Variants in B3GALT1 observed in about 807,000 individuals in gnomAD.
B3GALT1 encodes UDP-Gal:betaGlcNAc beta 1,3-galactosyltransferase, polypeptide 1.
Under a neutral mutation model 23.2 loss-of-function variants are expected in B3GALT1, and 10 were observed. That is an observed-to-expected ratio of 0.43 (90% CI 0.27 to 0.73). The LOEUF (loss-of-function observed/expected upper bound fraction) is 0.73. Ranked by LOEUF, B3GALT1 falls within the 30% of genes least tolerant of loss-of-function variation. The pLI, the probability that B3GALT1 is intolerant of heterozygous loss-of-function variation, is 0.21. For synonymous variants in B3GALT1, 156 were observed against 141.5 expected (o/e 1.10, Z -0.73); for missense variants, 299 against 405.4 (o/e 0.74, Z 2.25).
intron 3 of B3GALT1, among the ~76,000 whole-genome samples, chr2:167,647,368 A>T (rs1039516003): frequency 1.2e-4 from 12 of 99,446 alleles, no homozygotes; most frequent in Admixed American, 4.4e-4. Context: ...TCAAAGCAGC[A>T]GCTTACATGC....
chr2:167,563,431 CG>C (rs1435914506), intron 2 of B3GALT1, among the ~76,000 whole-genome samples: 1 of 130,680 alleles, frequency 7.7e-6, no homozygotes, highest in Non-Finnish European at 1.6e-5. Context: ...ACCTCCCTCC[CG>C]GACAGGGGCG....
intron 3 of B3GALT1, among the ~76,000 whole-genome samples, chr2:167,670,311 A>G (rs1686301074): frequency 6.6e-6 from 1 of 152,226 alleles, no homozygotes; most frequent in Non-Finnish European, 1.5e-5. Flanking sequence ...CCTAAGAATT[A>G]TCTTCCAAAG....
intron 3 of B3GALT1, among the ~76,000 whole-genome samples, chr2:167,650,302 C>A (rs1254418989): frequency 6.8e-6 from 1 of 146,556 alleles, no homozygotes; most frequent in Non-Finnish European, 1.5e-5. Flanking sequence ...ACCACTTGAT[C>A]TATATATATA....
intron 1 of B3GALT1, among the ~76,000 whole-genome samples, chr2:167,431,701 A>G (rs1238761127): frequency 6.6e-6 from 1 of 152,214 alleles, no homozygotes; most frequent in Non-Finnish European, 1.5e-5. Context: ...AATCAGTTCA[A>G]GTCATTAGGA....
intron 1 of B3GALT1, among the ~76,000 whole-genome samples, chr2:167,400,182 G>GTGTGTGTGTGTC (rs1056141064): frequency 2.0e-5 from 3 of 151,366 alleles, no homozygotes; most frequent in Non-Finnish European, 3.0e-5. Flanking sequence ...GTGTGTGTGT[G>GTGTGTGTGTGTC]TGTGTGTGTG....
At chr2:167,478,995 C>T (rs562984283) in intron 1 of B3GALT1, among the ~76,000 whole-genome samples, 31 of 152,046 alleles carry the variant, frequency 2.0e-4, no homozygotes, top group African/African-American at 5.5e-4. Flanking sequence ...TCCCGGGAGG[C>T]GAAGCTTTCA....
chr2:167,405,552 G>T (rs1349194902), intron 1 of B3GALT1, among the ~76,000 whole-genome samples: 1 of 151,960 alleles, frequency 6.6e-6, no homozygotes, highest in Non-Finnish European at 1.5e-5. Flanking sequence ...TCATTTGCAA[G>T]TTTATGTTAA....
At chr2:167,494,908 T>C (rs1400298463) in intron 2 of B3GALT1, among the ~76,000 whole-genome samples, 1 of 152,142 alleles carries the variant, frequency 6.6e-6, no homozygotes, top group Non-Finnish European at 1.5e-5. Flanking sequence ...GGCCCTGGTA[T>C]CTGATTTCTT....
chr2:167,765,022 C>G (rs776454648), intron 3 of B3GALT1, among the ~76,000 whole-genome samples: 8 of 152,148 alleles, frequency 5.3e-5, no homozygotes, highest in Non-Finnish European at 1.0e-4. Flanking sequence ...CCTTTACCCA[C>G]CTGCATCAGA....
At chr2:167,726,040 C>T (rs1300502886) in intron 3 of B3GALT1, among the ~76,000 whole-genome samples, 2 of 152,144 alleles carry the variant, frequency 1.3e-5, no homozygotes, top group Admixed American at 6.6e-5. Context: ...GCCTTTAAGA[C>T]AGAGATATGT....
chr2:167,716,223 A>C (rs573621108), intron 3 of B3GALT1, among the ~76,000 whole-genome samples: 1 of 151,676 alleles, frequency 6.6e-6, no homozygotes, highest in Non-Finnish European at 1.5e-5. Context: ...GAATGCGGGC[A>C]CCCCCCACAG....
intron 3 of B3GALT1, among the ~76,000 whole-genome samples, chr2:167,680,513 A>AGCATTTGACACTGGATGAGAATT (rs1553478471): frequency 1.1e-4 from 17 of 150,034 alleles, no homozygotes; most frequent in Non-Finnish European, 2.2e-4. Context: ...TAATGACCAA[A>AGCATTTGACACTGGATGAGAATT]TTTTTTTTTT....
intron 2 of B3GALT1, among the ~76,000 whole-genome samples, chr2:167,641,410 G>T (rs1685650871): frequency 6.6e-6 from 1 of 151,988 alleles, no homozygotes; most frequent in Admixed American, 6.6e-5. Context: ...CATGACCAGG[G>T]GCAAGTTATT....
intron 1 of B3GALT1, 91 bp from the exon 2 acceptor site, chr2:167,490,086 G>A (rs1699685960): frequency 6.6e-6 from 1 of 152,168 alleles, no homozygotes; most frequent in Non-Finnish European, 1.5e-5. Flanking sequence ...TTTATGAACT[G>A]GTAAAAAGAG....
intron 2 of B3GALT1, among the ~76,000 whole-genome samples, chr2:167,552,191 G>A (rs542225148): frequency 3.9e-5 from 6 of 152,146 alleles, no homozygotes; most frequent in East Asian, 1.9e-4. Context: ...TCACATCTTC[G>A]ACCCTGCATT....
rs1246729413 is a variant in B3GALT1 at position 167,871,205 on chromosome 2, C to G, written c.*1185C>G. The G allele has an allele frequency of 6.6e-6, 1 of 152,120 alleles. No individual in the cohort carries two copies. Among genetic ancestry groups the G allele is most frequent in the Admixed American group, 6.5e-5 (1 of 15,272 alleles). The allele number at this position is 152,120 out of a possible 1,614,324, so 9.4% of individuals were successfully genotyped here. On this transcript the variant is annotated 3_prime_UTR_variant, in exon 5 of 5. Transcript: ENST00000392690. Reference sequence around the variant, plus strand: ...GGGCCATATGAGTAGGCATCGTAATCTTGTGCTTCAATGTGTTCATTTATA... The same window carrying G: ...GGGCCATATGAGTAGGCATCGTAATGTTGTGCTTCAATGTGTTCATTTATA...
intron 2 of B3GALT1, among the ~76,000 whole-genome samples, chr2:167,515,710 T>C (rs1223775014): frequency 6.6e-6 from 1 of 152,132 alleles, no homozygotes; most frequent in African/African-American, 2.4e-5. Flanking sequence ...ACACCCATCA[T>C]AGAGCAAGTT....
chr2:167,465,145 T>C (rs1056193098), intron 1 of B3GALT1, among the ~76,000 whole-genome samples: 6 of 152,300 alleles, frequency 3.9e-5, no homozygotes, highest in Middle Eastern at 3.4e-3. Flanking sequence ...AAAAGGAAAA[T>C]AGTTAATAAA....
intron 2 of B3GALT1, among the ~76,000 whole-genome samples, chr2:167,608,629 A>G (rs1355005689): frequency 6.6e-6 from 1 of 152,166 alleles, no homozygotes; most frequent in East Asian, 1.9e-4. Flanking sequence ...TTTGTTTAGC[A>G]TAGGAAGTTC....
Sources: gnomAD v4.1 joint callset for allele counts (sites outside exome capture counted in the v4.1 genomes callset) on GRCh38, gnomAD v4.1.1 for gene constraint, MANE v1.5 for transcripts, NCBI Gene and HGNC (gene_info 2026-07-23, HGNC 2026-07-21) for gene names.